Variants in GALNTL6 observed in about 807,000 individuals in gnomAD.
GALNTL6 encodes the protein polypeptide N-acetylgalactosaminyltransferase like 6.
A neutral mutation model predicts 73.7 loss-of-function variants in GALNTL6; 46 were observed. The ratio of observed to expected loss-of-function variants is 0.62; its 90% confidence interval spans 0.49 to 0.80. GALNTL6 has a LOEUF of 0.80. Among genes scored for constraint, GALNTL6 ranks in the 30% least tolerant of loss-of-function variants. The probability of loss-of-function intolerance (pLI) is 0.00; values close to 1 mark genes in which losing one functional copy is unlikely to be tolerated. For synonymous variants in GALNTL6, 259 were observed against 263.7 expected, an observed-to-expected ratio of 0.98 and a Z score of 0.17; for missense variants, 604 against 755.0, an observed-to-expected ratio of 0.80 and a Z score of 2.34.
At chr4:172,139,697 T>C (rs1296939472) in intron 2 of GALNTL6, among the ~76,000 whole-genome samples, 1 of 152,208 alleles carries the variant, frequency 6.6e-6, no homozygotes, top group Non-Finnish European at 1.5e-5. Flanking sequence ...ATTTGAAAAT[T>C]TTAGTAAGTA....
chr4:171,879,100 C>T (rs1235732085), intron 2 of GALNTL6, among the ~76,000 whole-genome samples: 3 of 152,126 alleles, frequency 2.0e-5, no homozygotes, highest in African/African-American at 2.4e-5. Context: ...CGAGAACAAA[C>T]TAATACCGTA....
intron 5 of GALNTL6, among the ~76,000 whole-genome samples, chr4:172,368,908 T>C (rs1742676267): frequency 6.6e-6 from 1 of 152,078 alleles, no homozygotes; most frequent in Admixed American, 6.6e-5. Context: ...GCTTCAGGAG[T>C]GAAGCTGCAG....
intron 12 of GALNTL6, among the ~76,000 whole-genome samples, chr4:173,038,261 G>C (rs1753773122): frequency 6.6e-6 from 1 of 152,222 alleles, no homozygotes; most frequent in Non-Finnish European, 1.5e-5. Context: ...ATGAGCATGA[G>C]AGATGCTGGG....
chr4:172,079,879 T>A (rs888912791), intron 2 of GALNTL6, among the ~76,000 whole-genome samples: 4 of 152,066 alleles, frequency 2.6e-5, no homozygotes, highest in Non-Finnish European at 1.5e-5. Context: ...TTAAAAAAAA[T>A]TTGATTGATA....
intron 2 of GALNTL6, among the ~76,000 whole-genome samples, chr4:171,989,073 C>A (rs1275533834): frequency 6.6e-6 from 1 of 151,934 alleles, no homozygotes; most frequent in Non-Finnish European, 1.5e-5. Context: ...AAGTTGGCAC[C>A]AGAGTTGGGG....
intron 5 of GALNTL6, among the ~76,000 whole-genome samples, chr4:172,555,717 A>C (rs1307607516): frequency 6.6e-6 from 1 of 152,124 alleles, no homozygotes; most frequent in Non-Finnish European, 1.5e-5. Flanking sequence ...AGCAAAATAC[A>C]ACCCAAGCTG....
At chr4:172,677,118 A>G (rs1238285317) in intron 5 of GALNTL6, among the ~76,000 whole-genome samples, 2 of 152,160 alleles carry the variant, frequency 1.3e-5, no homozygotes, top group African/African-American at 4.8e-5. Flanking sequence ...ATAACCACCT[A>G]ATATTTATCA....
At chr4:171,976,914 G>A (rs17057792) in intron 2 of GALNTL6, among the ~76,000 whole-genome samples, 5,441 of 152,242 alleles carry the variant, frequency 0.036, 270 homozygotes, top group African/African-American at 0.11. Context: ...CAGACCCAAA[G>A]AGCATGAAAT....
intron 5 of GALNTL6, among the ~76,000 whole-genome samples, chr4:172,622,868 C>A (rs1739017318): frequency 6.6e-6 from 1 of 151,868 alleles, no homozygotes; most frequent in Non-Finnish European, 1.5e-5. Context: ...ATTGACAAAG[C>A]GTTTAAGGTT....
chr4:172,772,442 T>C (rs868416179), intron 5 of GALNTL6, among the ~76,000 whole-genome samples: 21 of 152,278 alleles, frequency 1.4e-4, no homozygotes, highest in Middle Eastern at 3.4e-3. Flanking sequence ...TTATGATACA[T>C]GAAAACATTT....
At chr4:171,931,932 T>C (rs949499728) in intron 2 of GALNTL6, among the ~76,000 whole-genome samples, 2 of 152,282 alleles carry the variant, frequency 1.3e-5, no homozygotes, top group Non-Finnish European at 2.9e-5. Context: ...TTCAGAAAAA[T>C]CTAATTACAT....
intron 2 of GALNTL6, among the ~76,000 whole-genome samples, chr4:172,189,331 A>G (rs1229617210): frequency 2.0e-5 from 3 of 152,200 alleles, no homozygotes; most frequent in Non-Finnish European, 4.4e-5. Context: ...TAATAATTTA[A>G]TATTACATAG....
intron 5 of GALNTL6, among the ~76,000 whole-genome samples, chr4:172,414,338 A>G (rs1397814003): frequency 1.3e-5 from 2 of 152,194 alleles, no homozygotes; most frequent in African/African-American, 4.8e-5. Flanking sequence ...TATATTTTCC[A>G]AATTCCACAT....
chr4:172,020,192 T>G (rs1201084412), intron 2 of GALNTL6, among the ~76,000 whole-genome samples: 1 of 151,988 alleles, frequency 6.6e-6, no homozygotes, highest in Non-Finnish European at 1.5e-5. Context: ...TTTATAGCTC[T>G]AAGTGCCTAA....
chr4:172,193,276 A>G (rs955845610), intron 2 of GALNTL6, among the ~76,000 whole-genome samples: 24 of 152,174 alleles, frequency 1.6e-4, no homozygotes, highest in African/African-American at 5.1e-4. Flanking sequence ...TCCTGCCAGC[A>G]TCAGGTCGGT....
At chr4:172,156,541 A>ATATATATATATATATATATATATACATAC (rs1734276660) in intron 2 of GALNTL6, among the ~76,000 whole-genome samples, 2 of 7,408 alleles carry the variant, frequency 2.7e-4, no homozygotes, top group African/African-American at 5.1e-4. Flanking sequence ...TATATATATA[A>ATATATATATATATATATATATATACATAC]TATATATATA....
chr4:172,051,824 C>G (rs990068116), intron 2 of GALNTL6, among the ~76,000 whole-genome samples: 2 of 152,122 alleles, frequency 1.3e-5, no homozygotes, highest in African/African-American at 4.8e-5. Flanking sequence ...CCCTCTTGTA[C>G]TCAGTATTTC....
At chr4:171,983,464 T>TTTTATTTA (rs3081370) in intron 2 of GALNTL6, among the ~76,000 whole-genome samples, 2,489 of 141,114 alleles carry the variant, frequency 0.018, 51 homozygotes, top group African/African-American at 0.035. Flanking sequence ...GGCATCTTGA[T>TTTTATTTA]TTTATTTATT....
At chr4:172,075,420 T>C (rs1007118220) in intron 2 of GALNTL6, among the ~76,000 whole-genome samples, 12 of 152,058 alleles carry the variant, frequency 7.9e-5, no homozygotes, top group South Asian at 2.1e-4. Context: ...CTGCAAGCTC[T>C]GCCTCCTGGG....
Sources: allele counts gnomAD v4.1 joint callset (sites outside exome capture counted in the v4.1 genomes callset), GRCh38; gene constraint gnomAD v4.1.1; transcripts MANE v1.5; gene names NCBI Gene and HGNC (gene_info 2026-07-23, HGNC 2026-07-21).